The following NR2F2 variants were observed in gnomAD, a reference collection of about 807,000 sequenced individuals.
The protein encoded by NR2F2 is nuclear receptor subfamily 2 group F member 2.
A neutral mutation model predicts 34.8 loss-of-function variants in NR2F2; 2 were observed. That is an observed-to-expected ratio of 0.06 (90% confidence interval 0.02 to 0.18). NR2F2 has a LOEUF of 0.18. NR2F2 is among the 10% of genes least tolerant of loss of function. The pLI, the probability that NR2F2 is intolerant of heterozygous loss-of-function variation, is 1.00. For missense variants in NR2F2, 300 were observed against 580.1 expected (o/e 0.52, Z 4.96); for synonymous variants, 274 against 251.8 (o/e 1.09, Z -0.84).
At position 96,331,055 on chromosome 15, in the gene NR2F2, A is replaced by G. The variant is rs1177002340; in HGVS notation, c.-1051A>G. On this transcript the variant is annotated 5_prime_UTR_variant, in exon 1 of 3. Coordinates refer to ENST00000394166, the MANE Select transcript of NR2F2 (RefSeq NM_021005.4). ...CCTATGTGTGTGAGGCGGCGGCGGC[A>G]GCAGCAGCAGCAGCGGCTCCGGCGG... 5.7e-5 allele frequency: 68 copies of G among 1,185,860 alleles called. No individual in the cohort carries two copies. The highest frequency in any genetic ancestry group is 1.2e-4 in the South Asian group (3 of 24,210). The allele number at this position is 1,185,860 out of a possible 1,614,324, so 73.5% of individuals were successfully genotyped here. A position where few individuals can be genotyped will look rare whatever the true frequency, so the allele number is the denominator to read the frequency against.
Position 96,337,792 on chromosome 15 carries a change from ACTGTC to A in NR2F2, c.*171_*175del. The A allele has an allele frequency of 1.6e-5, 6 of 381,678 alleles. No homozygotes were observed. The highest frequency in any genetic ancestry group is 2.5e-5 in the Non-Finnish European group (6 of 240,022). The allele number at this position is 381,678 out of a possible 1,614,324, so 23.6% of individuals were successfully genotyped here. A position where few individuals can be genotyped will look rare whatever the true frequency, so the allele number is the denominator to read the frequency against. On this transcript the variant is annotated 3_prime_UTR_variant, in exon 3 of 3. Transcript: ENST00000394166. Reference sequence around the variant, plus strand: ...GTGAATTTCAAAAAAAAAAAAAAAGACTGTCAAATGAACTTTTACAGAATGCATTA... The same window carrying A: ...GTGAATTTCAAAAAAAAAAAAAAAGAAAATGAACTTTTACAGAATGCATTA...
upstream of NR2F2, chr15:96,327,189 A>T (rs2141162052): frequency 6.6e-6 from 1 of 152,148 alleles, no homozygotes; most frequent in African/African-American, 2.4e-5. Flanking sequence ...CAAAAAAAAA[A>T]AAAAATCACC....
At position 96,331,433 on chromosome 15, in the gene NR2F2, C is replaced by G; in HGVS notation, c.-673C>G. 1.2e-5 allele frequency: 15 copies of G among 1,231,340 alleles called. No individual in the cohort carries two copies. The highest frequency in any genetic ancestry group is 1.5e-5 in the Non-Finnish European group (15 of 988,074). The allele number at this position is 1,231,340 out of a possible 1,614,324, so 76.3% of individuals were successfully genotyped here. On this transcript the variant is annotated 5_prime_UTR_variant, in exon 1 of 3. Coordinates refer to ENST00000394166, the MANE Select transcript of NR2F2 (RefSeq NM_021005.4). ...CGGCCTGCCTGGCTCCCTGGGCGCG[C>G]CCGCACCCGGCGCCTCCGATCTCCT...
Position 96,338,886 on chromosome 15 carries a change from G to C in NR2F2, c.*1264G>C, listed in dbSNP as rs1180882933. 2.7e-5 allele frequency: 4 copies of C among 147,916 alleles called. No individual in the cohort carries two copies. The highest frequency in any genetic ancestry group is 4.4e-4 in the South Asian group (2 of 4,576). 9.2% of individuals were successfully genotyped at this position (147,916 alleles called of 1,614,324 possible). Reference sequence around the variant, plus strand: ...TGAGCTCTCGCTTAGCTGGCCGGGCGGGGGGTGGTGGGGGGGGGCATTTGT... The same window carrying C: ...TGAGCTCTCGCTTAGCTGGCCGGGCCGGGGGTGGTGGGGGGGGGCATTTGT... On this transcript the variant is annotated 3_prime_UTR_variant, in exon 3 of 3. Coordinates refer to ENST00000394166, the MANE Select transcript of NR2F2 (RefSeq NM_021005.4).
chr15:96,326,463 C>T (rs1161565846), upstream of NR2F2: 4 of 911,948 alleles, frequency 4.4e-6, no homozygotes, highest in Admixed American at 2.0e-5. This position sits in a 1 kb window ranked among gnomAD's most constrained non-coding sequence, Gnocchi z 5.5. Flanking sequence ...GGTTTGCTAA[C>T]GTGTATGAAA....
In NR2F2 at chr15:96,332,387, C is replaced by T. The variant is rs770026575; in HGVS notation, c.282C>T (p.Phe94=). The change falls in exon 1 of 3, where the codon TTC becomes TTT. Residue 94 remains phenylalanine (F), a synonymous_variant. Coordinates refer to ENST00000394166, the MANE Select transcript of NR2F2 (RefSeq NM_021005.4). ...DKSSGKHYGQ[F]TCEGCKSFFK... ...CGAGCGGCAAGCACTACGGCCAGTT[C>T]ACGTGCGAGGGCTGCAAGAGCTTCT... is the stretch of plus-strand genomic sequence containing the variant. 1.2e-6 allele frequency: 2 copies of T among 1,613,716 alleles called. No homozygotes were observed. The highest frequency in any genetic ancestry group is 1.1e-5 in the South Asian group (1 of 91,010).
At position 96,333,636 on chromosome 15, in the gene NR2F2, G is replaced by A. The variant is rs190142071; in HGVS notation, c.443-440G>A. On this transcript the variant is annotated intron_variant, in intron 1 of 2. Coordinates refer to ENST00000394166, the MANE Select transcript of NR2F2 (RefSeq NM_021005.4). ...AGTCGTTCCGGAGTGGCCACAGGCC[G>A]TCTGGGGTGGACCCTCGTGCCTTTT... 1.2e-3 allele frequency: 1,217 copies of A among 1,051,534 alleles called. 17 individuals carry two copies. In the African/African-American group the frequency reaches 0.018, roughly 16 times the overall value. The allele number at this position is 1,051,534 out of a possible 1,614,324, so 65.1% of individuals were successfully genotyped here. A position where few individuals can be genotyped will look rare whatever the true frequency, so the allele number is the denominator to read the frequency against.
At chr15:96,335,381 T>C (rs1295537403) in intron 2 of NR2F2, among the ~76,000 whole-genome samples, 4 of 152,254 alleles carry the variant, frequency 2.6e-5, no homozygotes, top group Admixed American at 6.5e-5. Flanking sequence ...TTAGTTTGCA[T>C]GTAGTTTAAC....
At chr15:96,332,593 C>T (rs756420335) in intron 1 of NR2F2, 46 bp downstream of exon 1, 17 of 1,591,156 alleles carry the variant, frequency 1.1e-5, no homozygotes, top group East Asian at 2.3e-5. Context: ...GTCCCGGGGT[C>T]CTGGGTACGT....
Position 96,331,552 on chromosome 15 carries a change from C to T in NR2F2, c.-554C>T, listed in dbSNP as rs1899141930. ...AGTCGCCTCTCCTCCTCCTCTACCT[C>T]CTCCTTCACCACCACCTCCTCTTCC... On this transcript the variant is annotated 5_prime_UTR_variant, in exon 1 of 3. Transcript: ENST00000394166. 3.3e-6 allele frequency: 4 copies of T among 1,227,742 alleles called. No individual in the cohort carries two copies. The highest frequency in any genetic ancestry group is 4.3e-5 in the Admixed American group (1 of 23,430). The allele number at this position is 1,227,742 out of a possible 1,614,324, so 76.1% of individuals were successfully genotyped here.
Position 96,333,808 on chromosome 15 carries a change from G to T in NR2F2, c.443-268G>T, listed in dbSNP as rs371351537. On this transcript the variant is annotated intron_variant, in intron 1 of 2. Coordinates refer to ENST00000394166, the MANE Select transcript of NR2F2 (RefSeq NM_021005.4). ...CACAGCGCCGGGGACCCCGAGGCAA[G>T]GTGGCCAATTCTGGGTCCTCGGCGG... is the stretch of plus-strand genomic sequence containing the variant. 17 of 1,389,432 alleles carry T rather than the reference G, an allele frequency of 1.2e-5. No individual in the cohort carries two copies. The South Asian group carries it at 3.2e-4, about 26-fold the overall frequency. The allele number at this position is 1,389,432 out of a possible 1,614,324, so 86.1% of individuals were successfully genotyped here.
chr15:96,338,511 T>C lies in NR2F2; in HGVS notation c.*889T>C, dbSNP rs926688479. The C allele has an allele frequency of 6.6e-6, 1 of 152,640 alleles. No homozygotes were observed. Among genetic ancestry groups the C allele is most frequent in the Non-Finnish European group, 1.5e-5 (1 of 68,040 alleles). The allele number at this position is 152,640 out of a possible 1,614,324, so 9.5% of individuals were successfully genotyped here. ...TTCTTGAATTGTTATGAAAATCCTA[T>C]ATCTGTTTGTATATTTGCAAACCCT... is the stretch of plus-strand genomic sequence containing the variant. On this transcript the variant is annotated 3_prime_UTR_variant, in exon 3 of 3. Transcript: ENST00000394166.
At chr15:96,330,433 C>CGTCCCCGCCCCCCCAACCCCCG (rs1899098751), upstream of NR2F2, among the ~76,000 whole-genome samples, 1 of 145,976 alleles carries the variant, frequency 6.9e-6, no homozygotes, top group Non-Finnish European at 1.5e-5. Context: ...GCGGCCACCC[C>CGTCCCCGCCCCCCCAACCCCCG]GTCCCCGCCC....
rs1567141312 is a variant in NR2F2, at chr15:96,339,866, G to GA, written c.*2244_*2245insA. 1 of 152,024 alleles carries GA rather than the reference G, an allele frequency of 6.6e-6. No homozygotes were observed. The highest frequency in any genetic ancestry group is 1.5e-5 in the Non-Finnish European group (1 of 68,018). The allele number at this position is 152,024 out of a possible 1,614,324, so 9.4% of individuals were successfully genotyped here. ...GTTTAATTCTAATTGGTGGGGGGGG[G>GA]GGAGGACTAGTGAGGGAGGTGAAAG... On this transcript the variant is annotated 3_prime_UTR_variant, in exon 3 of 3. Transcript: ENST00000394166.
In NR2F2 at chr15:96,331,980, G is replaced by C; in HGVS notation, c.-126G>C. On this transcript the variant is annotated 5_prime_UTR_variant, in exon 1 of 3. Transcript: ENST00000394166. ...CCCGAGCCACCCGGGGCGCCCTCCCGCGCCCTCTTGCACCCTCGCACACAC... is the reference window on the plus strand; with the variant it reads ...CCCGAGCCACCCGGGGCGCCCTCCCCCGCCCTCTTGCACCCTCGCACACAC... 1.7e-6 allele frequency: 2 copies of C among 1,205,858 alleles called. No homozygotes were observed. Among genetic ancestry groups the C allele is most frequent in the Admixed American group, 4.4e-5 (1 of 22,566 alleles). 74.7% of individuals were successfully genotyped at this position (1,205,858 alleles called of 1,614,324 possible).
At position 96,331,055 on chromosome 15, in the gene NR2F2, A is replaced by AGCAGCAGCAGCAGCGGCTCCGGCGGCG; in HGVS notation, c.-1042_-1016dup. On this transcript the variant is annotated 5_prime_UTR_variant, in exon 1 of 3. Transcript: ENST00000394166. ...CCTATGTGTGTGAGGCGGCGGCGGC[A>AGCAGCAGCAGCAGCGGCTCCGGCGGCG]GCAGCAGCAGCAGCGGCTCCGGCGG... 8.4e-7 allele frequency: 1 copy of AGCAGCAGCAGCAGCGGCTCCGGCGGCG among 1,185,968 alleles called. No individual in the cohort carries two copies. The highest frequency in any genetic ancestry group is 4.5e-5 in the Admixed American group (1 of 22,282). 73.5% of individuals were successfully genotyped at this position (1,185,968 alleles called of 1,614,324 possible).
At position 96,334,596 on chromosome 15, in the gene NR2F2, C is replaced by T. The variant is rs996374738; in HGVS notation, c.963C>T (p.Phe321=). Reference sequence around the variant, plus strand: ...GCTGCCTCAAGGCCATAGTCCTGTTCACCTCAGGTAGGAAGGAGCCCTGTC... The same window carrying T: ...GCTGCCTCAAGGCCATAGTCCTGTTTACCTCAGGTAGGAAGGAGCCCTGTC... ...EYSCLKAIVL[F]TSDACGLSDV... Residue 321 remains phenylalanine, a synonymous_variant, in exon 2 of 3, where the codon TTC becomes TTT. Coordinates refer to ENST00000394166, the MANE Select transcript of NR2F2 (RefSeq NM_021005.4). 6.3e-6 allele frequency: 10 copies of T among 1,596,946 alleles called. No homozygotes were observed. The highest frequency in any genetic ancestry group is 8.6e-6 in the Non-Finnish European group (10 of 1,168,544).
At chr15:96,329,678 C>CT (rs1899077477), upstream of NR2F2, among the ~76,000 whole-genome samples, 1 of 152,112 alleles carries the variant, frequency 6.6e-6, no homozygotes, top group African/African-American at 2.4e-5. Flanking sequence ...AGGGTGTGCA[C>CT]AGGGGAGGCT....
In NR2F2 at chr15:96,331,052, G is replaced by GGCA. The variant is rs916162993; in HGVS notation, c.-1039_-1037dup. ...TTCCCTATGTGTGTGAGGCGGCGGC[G>GGCA]GCAGCAGCAGCAGCAGCGGCTCCGG... On this transcript the variant is annotated 5_prime_UTR_variant, in exon 1 of 3. Transcript: ENST00000394166. The GGCA allele has an allele frequency of 1.5e-4, 182 of 1,238,774 alleles. No individual in the cohort carries two copies. The highest frequency in any genetic ancestry group is 1.0e-3 in the East Asian group (32 of 31,908). 76.7% of individuals were successfully genotyped at this position (1,238,774 alleles called of 1,614,324 possible).
Sources: gnomAD v4.1 joint callset for allele counts (sites outside exome capture counted in the v4.1 genomes callset) on GRCh38, gnomAD v4.1.1 for gene constraint, Gnocchi (gnomAD v3.1) non-coding constraint, MANE v1.5 for transcripts, NCBI Gene and HGNC (gene_info 2026-07-23, HGNC 2026-07-21) for gene names.